PRDM10: variants seen among roughly 807,000 people sequenced by gnomAD.
PRDM10 encodes the protein PR/SET domain 10.
In PRDM10, 65 loss-of-function variants were observed where a neutral mutation model predicts 133.1. The observed-to-expected ratio is 0.49, with a 90% CI of 0.40 to 0.60. The LOEUF is 0.60. PRDM10 is among the 20% of genes least tolerant of loss of function. The pLI is 0.00. For missense variants in PRDM10, 1,137 were observed against 1,507.1 expected, an observed-to-expected ratio of 0.75 and a Z score of 4.07; for synonymous variants, 582 against 580.4, an observed-to-expected ratio of 1.00 and a Z score of -0.04.
intron 19 of PRDM10, among the ~76,000 whole-genome samples, chr11:129,906,452 C>T (rs1159071890): frequency 1.3e-5 from 2 of 152,136 alleles, no homozygotes; most frequent in East Asian, 3.9e-4. Context: ...ACACACCAGG[C>T]GTTGAAATCC....
intron 20 of PRDM10, among the ~76,000 whole-genome samples, chr11:129,903,762 C>T (rs1042219977): frequency 2.6e-5 from 4 of 152,054 alleles, no homozygotes; most frequent in Non-Finnish European, 2.9e-5. Flanking sequence ...CACCAGACAA[C>T]GTTCTGATTA....
intron 19 of PRDM10, among the ~76,000 whole-genome samples, chr11:129,908,767 A>ACTT (rs1259256143): frequency 6.6e-6 from 1 of 151,212 alleles, no homozygotes; most frequent in African/African-American, 2.4e-5. Context: ...TCATCACTCC[A>ACTT]CTTTTTTTTT....
At chr11:129,925,491 G>T (rs902214314) in intron 11 of PRDM10, among the ~76,000 whole-genome samples, 5 of 152,030 alleles carry the variant, frequency 3.3e-5, no homozygotes, top group African/African-American at 1.2e-4. Flanking sequence ...CTTTTGAAAG[G>T]GTTTAAGTAA....
intron 1 of PRDM10, among the ~76,000 whole-genome samples, chr11:129,990,422 T>C (rs1193065361): frequency 6.8e-6 from 1 of 146,186 alleles, no homozygotes; most frequent in Non-Finnish European, 1.5e-5. Context: ...TTCAGGAGGG[T>C]GAGGCCTAAG....
At chr11:130,000,027 T>TG (rs1460197960) in intron 1 of PRDM10, among the ~76,000 whole-genome samples, 1 of 152,012 alleles carries the variant, frequency 6.6e-6, no homozygotes, top group Non-Finnish European at 1.5e-5. Flanking sequence ...TTTGTTTTTT[T>TG]TCACTCGCTT....
chr11:129,961,900 G>A (rs1951803875), intron 1 of PRDM10, among the ~76,000 whole-genome samples: 1 of 152,042 alleles, frequency 6.6e-6, no homozygotes, highest in Admixed American at 6.6e-5. Context: ...ATTAAAATTA[G>A]TTGTCGTGAG....
chr11:129,937,576 T>G, intron 8 of PRDM10, 22 bp downstream of exon 8: 1 of 1,601,484 alleles, frequency 6.2e-7, no homozygotes, highest in Non-Finnish European at 8.5e-7. Context: ...ATAGAAAATG[T>G]AAAACATAAA....
intron 3 of PRDM10, 33 bp from the exon 4 acceptor site, chr11:129,955,604 AGC>A (rs1951681993): frequency 6.2e-7 from 1 of 1,605,598 alleles, no homozygotes; most frequent in East Asian, 2.2e-5. Flanking sequence ...AATTATCAGT[AGC>A]TCTTTGGATA....
At chr11:129,943,850 G>A (rs963885516) in intron 6 of PRDM10, among the ~76,000 whole-genome samples, 3 of 152,098 alleles carry the variant, frequency 2.0e-5, no homozygotes, top group African/African-American at 7.2e-5. Flanking sequence ...AAAATTAGCT[G>A]GGCGTGATGG....
intron 1 of PRDM10, among the ~76,000 whole-genome samples, chr11:130,000,250 G>C (rs552911797): frequency 4.6e-5 from 7 of 152,136 alleles, no homozygotes; most frequent in African/African-American, 1.4e-4. Flanking sequence ...CACCATGTTG[G>C]CCAGGCTAGT....
At chr11:129,941,980 G>A (rs1328306757) in intron 7 of PRDM10, among the ~76,000 whole-genome samples, 6 of 152,132 alleles carry the variant, frequency 3.9e-5, no homozygotes, top group East Asian at 3.9e-4. Flanking sequence ...TTGGCTCTGC[G>A]CAATCTCCTG....
At chr11:129,924,004 C>T (rs1365046050) in intron 12 of PRDM10, among the ~76,000 whole-genome samples, 1 of 152,242 alleles carries the variant, frequency 6.6e-6, no homozygotes, top group African/African-American at 2.4e-5. Flanking sequence ...ACTTCCCTTA[C>T]TTTTAGATAA....
At chr11:129,966,261 C>T (rs1039405355) in intron 1 of PRDM10, among the ~76,000 whole-genome samples, 3 of 151,988 alleles carry the variant, frequency 2.0e-5, no homozygotes, top group Non-Finnish European at 4.4e-5. Flanking sequence ...AACAAACAAA[C>T]AAATAAAAAA....
rs182922968 is a variant in PRDM10, at chr11:129,994,732, A to C, written c.-119+7990T>G. 3.4e-4 allele frequency among the ~76,000 whole-genome samples: 52 copies of C among 151,950 alleles called. No individual in the cohort carries two copies. The East Asian group carries it at 9.0e-3, about 26-fold the overall frequency. On this transcript the variant is annotated intron_variant, in intron 1 of 20. Coordinates refer to ENST00000360871, the MANE Select transcript of PRDM10 (RefSeq NM_199437.2). ...AGTGGCACAATCTCAGCTCACTGCA[A>C]TCTCCGCCTCCTGGGTTCATGCCAT... is the stretch of plus-strand genomic sequence containing the variant.
At chr11:129,915,121 TA>T (rs541579876) in intron 16 of PRDM10, 103 bp from the exon 17 acceptor site, 1 of 1,235,378 alleles carries the variant, frequency 8.1e-7, no homozygotes. Flanking sequence ...TTTTATGTCT[TA>T]AAAAAAGAAA....
At position 129,945,932 on chromosome 11, in the gene PRDM10, T is replaced by C. The variant is rs117944304; in HGVS notation, c.521-920A>G. 1.6e-3 allele frequency among the ~76,000 whole-genome samples: 241 copies of C among 152,226 alleles called. 1 individual carries two copies. The highest frequency in any genetic ancestry group is 6.8e-3 in the Middle Eastern group (2 of 294). ...ATTTTCTGTGCATTTGACTTAGGAG[T>C]TGCCTCAAAAATGTAAGAATTTTTC... On this transcript the variant is annotated intron_variant, in intron 5 of 20. Transcript: ENST00000360871. The surrounding 1 kb of genome is among the most constrained non-coding windows in gnomAD (Gnocchi z 4.2).
chr11:129,918,391 A>C lies in PRDM10; in HGVS notation c.2214+148T>G. ...AGAAAAGACAGAACTCCAAATTGGG[A>C]ATCGTTTGCCTCTGTTTCTTCCCCT... is the stretch of plus-strand genomic sequence containing the variant. On this transcript the variant is annotated intron_variant, in intron 14 of 20. Coordinates refer to ENST00000360871, the MANE Select transcript of PRDM10 (RefSeq NM_199437.2). The surrounding 1 kb of genome is among the most constrained non-coding windows in gnomAD (Gnocchi z 5.3). 1.1e-6 allele frequency: 1 copy of C among 950,332 alleles called. No individual in the cohort carries two copies. Among genetic ancestry groups the C allele is most frequent in the South Asian group, 3.3e-5 (1 of 30,248 alleles). 58.9% of individuals were successfully genotyped at this position (950,332 alleles called of 1,614,324 possible).
chr11:129,994,165 T>C (rs1366869523), intron 1 of PRDM10, among the ~76,000 whole-genome samples: 1 of 152,060 alleles, frequency 6.6e-6, no homozygotes, highest in Non-Finnish European at 1.5e-5. Context: ...GGGATAAGTA[T>C]ATATAAGTAT....
intron 1 of PRDM10, among the ~76,000 whole-genome samples, chr11:129,987,271 A>G (rs986360463): frequency 2.0e-5 from 3 of 152,174 alleles, no homozygotes; most frequent in Non-Finnish European, 4.4e-5. Context: ...ATGTCAACAA[A>G]CCACACAAAA....
Sources: gnomAD v4.1 joint callset for allele counts (sites outside exome capture counted in the v4.1 genomes callset) on GRCh38, gnomAD v4.1.1 for gene constraint, Gnocchi (gnomAD v3.1) non-coding constraint, MANE v1.5 for transcripts, NCBI Gene and HGNC (gene_info 2026-07-23, HGNC 2026-07-21) for gene names.